Variants in SGCZ observed in about 807,000 individuals in gnomAD.
SGCZ encodes sarcoglycan zeta.
A neutral mutation model predicts 41.3 loss-of-function variants in SGCZ; 40 were observed. The observed-to-expected ratio is 0.97, with a 90% confidence interval of 0.75 to 1.26. The LOEUF is 1.26. Among genes scored for constraint, SGCZ ranks in the 50% most tolerant of loss-of-function variants. The pLI is 0.00. For synonymous variants in SGCZ, 206 were observed against 137.5 expected (o/e 1.50, Z -3.49); for missense variants, 552 against 369.8 (o/e 1.49, Z -4.04).
At position 15,206,720 on chromosome 8, in the gene SGCZ, T is replaced by C. The variant is rs576321473; in HGVS notation, c.39+30865A>G. Reference sequence around the variant, plus strand: ...CCTCGGCCTCCCAAAGTGCTGAGATTACAGGCGTGAGCCACTGCACCCAGC... The same window carrying C: ...CCTCGGCCTCCCAAAGTGCTGAGATCACAGGCGTGAGCCACTGCACCCAGC... On this transcript the variant is annotated intron_variant, in intron 1 of 7. Transcript: ENST00000382080. 6.6e-5 allele frequency among the ~76,000 whole-genome samples: 10 copies of C among 152,244 alleles called. No individual in the cohort carries two copies. The South Asian group carries it at 1.5e-3, about 22-fold the overall frequency.
rs115279479 is a variant in SGCZ, at chr8:14,466,772, G to A, written c.234+87960C>T. On this transcript the variant is annotated intron_variant, in intron 2 of 7. Coordinates refer to ENST00000382080, the MANE Select transcript of SGCZ (RefSeq NM_139167.4). Reference sequence around the variant, plus strand: ...CTAATAACTTTTTGTTCCAGTTACCGTAGTTTTCAACTCTAAAATACCTTT... The same window carrying A: ...CTAATAACTTTTTGTTCCAGTTACCATAGTTTTCAACTCTAAAATACCTTT... 3.6e-3 allele frequency among the ~76,000 whole-genome samples: 544 copies of A among 151,568 alleles called. 3 individuals carry two copies. The highest frequency in any genetic ancestry group is 7.8e-3 in the African/African-American group (324 of 41,382).
At chr8:14,903,447 G>GA (rs1563351494) in intron 1 of SGCZ, among the ~76,000 whole-genome samples, 1 of 151,758 alleles carries the variant, frequency 6.6e-6, no homozygotes. Flanking sequence ...TTGAAATCCT[G>GA]AAAAAACAAA....
At chr8:15,201,192 T>C (rs948019763) in intron 1 of SGCZ, among the ~76,000 whole-genome samples, 6 of 152,108 alleles carry the variant, frequency 3.9e-5, no homozygotes, top group Non-Finnish European at 7.4e-5. Flanking sequence ...AATTTTTGTA[T>C]TTTTATTAGA....
chr8:14,818,098 A>G (rs1004553728), intron 1 of SGCZ, among the ~76,000 whole-genome samples: 1 of 152,066 alleles, frequency 6.6e-6, no homozygotes, highest in African/African-American at 2.4e-5. Context: ...CACTGGGCAG[A>G]CCTCCAATCT....
intron 1 of SGCZ, among the ~76,000 whole-genome samples, chr8:14,835,259 T>G (rs1802658324): frequency 1.3e-5 from 2 of 152,176 alleles, no homozygotes; most frequent in African/African-American, 4.8e-5. Context: ...AATATTTTCA[T>G]CTGTCATTTG....
At chr8:14,451,533 A>G (rs1186213949) in intron 2 of SGCZ, among the ~76,000 whole-genome samples, 4 of 152,334 alleles carry the variant, frequency 2.6e-5, no homozygotes, top group African/African-American at 9.6e-5. Flanking sequence ...AAAAGAGACA[A>G]AATCAAGAGA....
chr8:14,280,717 G>C (rs1368036700), intron 3 of SGCZ, among the ~76,000 whole-genome samples: 1 of 151,180 alleles, frequency 6.6e-6, no homozygotes, highest in Non-Finnish European at 1.5e-5. Flanking sequence ...AATTGACTTT[G>C]GACATCTTTC....
intron 1 of SGCZ, among the ~76,000 whole-genome samples, chr8:14,589,878 G>A (rs972370805): frequency 6.6e-6 from 1 of 152,076 alleles, no homozygotes; most frequent in Admixed American, 6.6e-5. Context: ...ACTAGATATG[G>A]CACTGACAGA....
chr8:14,808,011 G>A (rs541819839), intron 1 of SGCZ, among the ~76,000 whole-genome samples: 1 of 151,682 alleles, frequency 6.6e-6, no homozygotes, highest in Non-Finnish European at 1.5e-5. Flanking sequence ...ATGGTGCTGG[G>A]AAAACTGGCT....
chr8:14,282,847 C>CATTTTT, intron 3 of SGCZ, among the ~76,000 whole-genome samples: 1 of 89,912 alleles, frequency 1.1e-5, no homozygotes, highest in African/African-American at 4.6e-5. Context: ...CTTTCAAATA[C>CATTTTT]TTTTTTTTTT....
intron 2 of SGCZ, among the ~76,000 whole-genome samples, chr8:14,480,618 G>T (rs1801509554): frequency 6.6e-6 from 1 of 152,014 alleles, no homozygotes; most frequent in African/African-American, 2.4e-5. Flanking sequence ...TTCAGTAACA[G>T]AGCTCGGGGC....
At chr8:14,697,395 G>A (rs182404819) in intron 1 of SGCZ, among the ~76,000 whole-genome samples, 2 of 152,068 alleles carry the variant, frequency 1.3e-5, no homozygotes, top group Non-Finnish European at 2.9e-5. Flanking sequence ...ACAGTCCCAG[G>A]TACATGGAAA....
At chr8:15,152,554 G>A (rs892522079) in intron 1 of SGCZ, among the ~76,000 whole-genome samples, 2 of 152,142 alleles carry the variant, frequency 1.3e-5, no homozygotes, top group Non-Finnish European at 1.5e-5. Flanking sequence ...TGTGAAACAC[G>A]ACAGAAGAGC....
chr8:14,957,806 T>C (rs1007167687), intron 1 of SGCZ, among the ~76,000 whole-genome samples: 1 of 152,082 alleles, frequency 6.6e-6, no homozygotes, highest in African/African-American at 2.4e-5. Flanking sequence ...GTTGGAAATA[T>C]ACATAAAACA....
chr8:14,300,299 G>A (rs1398891889), intron 3 of SGCZ, among the ~76,000 whole-genome samples: 1 of 151,320 alleles, frequency 6.6e-6, no homozygotes, highest in East Asian at 1.9e-4. Context: ...AGAATAAAGG[G>A]AGGGAAGGAG....
intron 1 of SGCZ, among the ~76,000 whole-genome samples, chr8:14,632,339 T>C (rs1008749270): frequency 2.2e-4 from 34 of 152,140 alleles, no homozygotes; most frequent in African/African-American, 7.5e-4. Context: ...TACATTATAA[T>C]CTAGTGCATT....
chr8:14,673,739 C>A (rs10087537), intron 1 of SGCZ, among the ~76,000 whole-genome samples: 30,891 of 152,018 alleles, frequency 0.2, 3,722 homozygotes, highest in East Asian at 0.44. Flanking sequence ...AATTAATGTA[C>A]AGATGAACAA....
intron 1 of SGCZ, among the ~76,000 whole-genome samples, chr8:14,894,390 T>C (rs1056282821): frequency 3.3e-5 from 5 of 152,176 alleles, no homozygotes; most frequent in Non-Finnish European, 7.4e-5. Flanking sequence ...TAATTGAATG[T>C]CAATGGTGCA....
intron 1 of SGCZ, among the ~76,000 whole-genome samples, chr8:14,838,713 G>GC (rs1461608127): frequency 6.6e-6 from 1 of 152,106 alleles, no homozygotes; most frequent in Non-Finnish European, 1.5e-5. Context: ...GGCTTGGTGT[G>GC]CCATGACTCC....
Sources: allele counts gnomAD v4.1 joint callset (sites outside exome capture counted in the v4.1 genomes callset), GRCh38; gene constraint gnomAD v4.1.1; transcripts MANE v1.5; gene names NCBI Gene and HGNC (gene_info 2026-07-23, HGNC 2026-07-21).